Variants in NRXN3 observed in about 807,000 individuals in gnomAD.
The protein encoded by NRXN3 is neurexin III.
NRXN3 carries 32 observed loss-of-function variants against 137.6 expected under a neutral mutation model. The ratio of observed to expected loss-of-function variants is 0.23; its 90% CI spans 0.18 to 0.31. The LOEUF is 0.31. NRXN3 is among the 10% of genes least tolerant of loss of function. The pLI, the probability that NRXN3 is intolerant of heterozygous loss-of-function variation, is 1.00. For synonymous variants in NRXN3, 798 were observed against 784.5 expected (o/e 1.02, Z -0.29); for missense variants, 1,574 against 2,062.5 (o/e 0.76, Z 4.59).
At chr14:78,683,365 A>G (rs2098094769) in intron 6 of NRXN3, among the ~76,000 whole-genome samples, 1 of 152,216 alleles carries the variant, frequency 6.6e-6, no homozygotes, top group Non-Finnish European at 1.5e-5. Flanking sequence ...TGTGACACTC[A>G]GTCATTCATC....
intron 8 of NRXN3, among the ~76,000 whole-genome samples, chr14:78,789,598 G>T (rs183592150): frequency 3.4e-4 from 52 of 152,094 alleles, no homozygotes; most frequent in South Asian, 2.1e-4. Context: ...GTATTAGATT[G>T]GTGCAAAAGT....
intron 20 of NRXN3, chr14:79,823,989 A>C (rs1293608226): frequency 4.3e-5 from 18 of 420,756 alleles, no homozygotes; most frequent in Non-Finnish European, 6.0e-5. Context: ...AGAAAGTTTA[A>C]AATTTCTGCT....
intron 4 of NRXN3, among the ~76,000 whole-genome samples, chr14:78,534,919 A>T (rs1687579432): frequency 6.6e-6 from 1 of 152,198 alleles, no homozygotes; most frequent in African/African-American, 2.4e-5. Context: ...CATTAACAAT[A>T]GTTTCACTTT....
chr14:79,690,220 A>G (rs191019059), intron 17 of NRXN3, among the ~76,000 whole-genome samples: 56 of 152,284 alleles, frequency 3.7e-4, no homozygotes, highest in Non-Finnish European at 7.5e-4. Flanking sequence ...TCAAAAAGGT[A>G]CACGTTCTTT....
chr14:78,912,409 A>G (rs61994005), intron 10 of NRXN3, among the ~76,000 whole-genome samples: 4,163 of 151,842 alleles, frequency 0.027, 76 homozygotes, highest in African/African-American at 0.053. Context: ...TTCAAGAGAA[A>G]CACAGTATAG....
chr14:79,136,157 T>C (rs1044983228), intron 15 of NRXN3, among the ~76,000 whole-genome samples: 4 of 152,194 alleles, frequency 2.6e-5, no homozygotes, highest in Non-Finnish European at 5.9e-5. Flanking sequence ...ATATCCCATA[T>C]AAAATCACTG....
intron 6 of NRXN3, among the ~76,000 whole-genome samples, chr14:78,705,447 A>T (rs974996180): frequency 1.3e-5 from 2 of 152,150 alleles, no homozygotes; most frequent in African/African-American, 4.8e-5. Context: ...GTCCCAGTTG[A>T]GCATCACTGG....
At chr14:79,385,516 A>G (rs1232768780) in intron 15 of NRXN3, among the ~76,000 whole-genome samples, 1 of 152,166 alleles carries the variant, frequency 6.6e-6, no homozygotes, top group East Asian at 1.9e-4. Flanking sequence ...TTAAGTGGCT[A>G]ATGCAGTTTG....
At chr14:78,681,667 A>T (rs927590076) in intron 6 of NRXN3, among the ~76,000 whole-genome samples, 2 of 152,192 alleles carry the variant, frequency 1.3e-5, no homozygotes, top group African/African-American at 4.8e-5. Context: ...AAGGAAAATG[A>T]CTACACCTCC....
intron 4 of NRXN3, among the ~76,000 whole-genome samples, chr14:78,444,871 A>C (rs1198596269): frequency 1.4e-5 from 2 of 138,186 alleles, no homozygotes; most frequent in Non-Finnish European, 3.0e-5. Flanking sequence ...GTGAGCCGAG[A>C]TCGCACCACT....
At chr14:79,318,484 T>C (rs1189854284) in intron 15 of NRXN3, among the ~76,000 whole-genome samples, 1 of 152,202 alleles carries the variant, frequency 6.6e-6, no homozygotes, top group Non-Finnish European at 1.5e-5. Context: ...TAAAAAACCA[T>C]TGTTGGAATG....
At chr14:79,698,013 G>A (rs1025393432) in intron 19 of NRXN3, 76 bp downstream of exon 19, 1 of 1,334,066 alleles carries the variant, frequency 7.5e-7, no homozygotes, top group African/African-American at 1.5e-5. Flanking sequence ...ATTGCTTTAT[G>A]TAGCTAAAGA....
At chr14:79,714,245 C>A (rs893110458) in intron 19 of NRXN3, among the ~76,000 whole-genome samples, 1 of 152,134 alleles carries the variant, frequency 6.6e-6, no homozygotes, top group African/African-American at 2.4e-5. Flanking sequence ...TATATACACA[C>A]ACTGAAAATA....
intron 15 of NRXN3, among the ~76,000 whole-genome samples, chr14:79,176,714 T>C (rs1205156597): frequency 6.6e-6 from 1 of 152,230 alleles, no homozygotes; most frequent in Non-Finnish European, 1.5e-5. Context: ...ATTAAAATAT[T>C]ACTGCCCTCA....
At chr14:79,011,024 T>A (rs765849393) in intron 15 of NRXN3, among the ~76,000 whole-genome samples, 6 of 152,202 alleles carry the variant, frequency 3.9e-5, no homozygotes, top group Non-Finnish European at 8.8e-5. Context: ...ATGGCGATGC[T>A]AGTTACTATA....
chr14:78,866,716 C>G (rs1289026057), intron 10 of NRXN3, among the ~76,000 whole-genome samples: 1 of 151,264 alleles, frequency 6.6e-6, no homozygotes. Context: ...CAGCAACATT[C>G]TGGAGATCAT....
chr14:78,548,011 T>C (rs1202199377), intron 4 of NRXN3, among the ~76,000 whole-genome samples: 1 of 152,200 alleles, frequency 6.6e-6, no homozygotes, highest in Non-Finnish European at 1.5e-5. Flanking sequence ...CAGCAACAGA[T>C]TTAACAAACA....
intron 8 of NRXN3, among the ~76,000 whole-genome samples, chr14:78,726,728 A>G (rs950216888): frequency 2.0e-5 from 3 of 151,850 alleles, no homozygotes; most frequent in African/African-American, 7.3e-5. Flanking sequence ...CATGTTGTCC[A>G]GGCTGGTCTC....
chr14:79,451,206 A>C (rs1244529693), intron 15 of NRXN3, among the ~76,000 whole-genome samples: 2 of 151,720 alleles, frequency 1.3e-5, no homozygotes, highest in Non-Finnish European at 2.9e-5. Flanking sequence ...TATCACCACT[A>C]TTTCTGAGGA....
Sources: allele counts gnomAD v4.1 joint callset (sites outside exome capture counted in the v4.1 genomes callset), GRCh38; gene constraint gnomAD v4.1.1; transcripts MANE v1.5; gene names NCBI Gene and HGNC (gene_info 2026-07-23, HGNC 2026-07-21).